Variants in KCNN2 observed in about 807,000 individuals in gnomAD.
KCNN2 encodes the protein small conductance calcium-activated potassium channel protein 2.
A neutral mutation model predicts 55.5 loss-of-function variants in KCNN2; 24 were observed. The ratio of observed to expected loss-of-function variants is 0.43; its 90% CI spans 0.31 to 0.61. The LOEUF is 0.61. KCNN2 is among the 20% of genes least tolerant of loss of function. KCNN2 has a pLI of 0.08. For missense variants in KCNN2, 754 were observed against 853.6 expected, an observed-to-expected ratio of 0.88 and a Z score of 1.45; for synonymous variants, 431 against 336.1, an observed-to-expected ratio of 1.28 and a Z score of -3.09.
intron 2 of KCNN2, among the ~76,000 whole-genome samples, chr5:114,364,497 C>G (rs1162301284): frequency 6.6e-6 from 1 of 152,020 alleles, no homozygotes; most frequent in Non-Finnish European, 1.5e-5. Context: ...TAACCCCTTC[C>G]TAAATCCCCC....
rs1760268400 is a variant in KCNN2, at chr5:114,442,874, G to GT, written c.1638-20174dup. Among the ~76,000 whole-genome samples the GT allele has an allele frequency of 3.9e-5, 6 of 152,264 alleles. No homozygotes were observed. In the South Asian group the frequency reaches 1.2e-3, roughly 32 times the overall value. On this transcript the variant is annotated intron_variant, in intron 3 of 7. Transcript: ENST00000673685. ...GGGCAGGGGGAAAAGAGGACACACAGTAGTTCTGTTTAAGAACATAGTGCA... is the reference window on the plus strand; with the variant it reads ...GGGCAGGGGGAAAAGAGGACACACAGTTAGTTCTGTTTAAGAACATAGTGCA...
chr5:114,149,873 A>T (rs141861027), intron 1 of KCNN2, among the ~76,000 whole-genome samples: 1 of 152,290 alleles, frequency 6.6e-6, no homozygotes, highest in East Asian at 1.9e-4. Context: ...CTTAACCCTA[A>T]AGAGGCCAAG....
intron 3 of KCNN2, among the ~76,000 whole-genome samples, chr5:114,457,878 C>T (rs1225169882): frequency 6.6e-6 from 1 of 152,150 alleles, no homozygotes; most frequent in African/African-American, 2.4e-5. Context: ...GAATCACTGT[C>T]CTTTGTTGCT....
At chr5:114,434,162 C>G (rs1332326677) in intron 3 of KCNN2, among the ~76,000 whole-genome samples, 1 of 147,536 alleles carries the variant, frequency 6.8e-6, no homozygotes, top group Non-Finnish European at 1.5e-5. Context: ...TCCTTTTTAG[C>G]ATATCAGTTA....
At chr5:114,343,691 T>TG (rs886501003) in intron 2 of KCNN2, among the ~76,000 whole-genome samples, 4 of 150,036 alleles carry the variant, frequency 2.7e-5, no homozygotes, top group African/African-American at 9.8e-5. Context: ...CAAAGATGCA[T>TG]GGTGTGGGGG....
intron 2 of KCNN2, among the ~76,000 whole-genome samples, chr5:114,354,143 ATCT>A (rs891984476): frequency 2.0e-5 from 3 of 151,764 alleles, no homozygotes; most frequent in Admixed American, 6.6e-5. Flanking sequence ...AGATTGCATA[ATCT>A]TCATCAGTGT....
intron 4 of KCNN2, among the ~76,000 whole-genome samples, chr5:114,471,387 A>AAAGAAT (rs1468829774): frequency 1.3e-5 from 2 of 152,230 alleles, no homozygotes; most frequent in African/African-American, 4.8e-5. Context: ...GTTATTGTTT[A>AAAGAAT]AAGAATAATT....
At chr5:114,209,639 T>C (rs1053745826) in intron 1 of KCNN2, among the ~76,000 whole-genome samples, 6 of 152,134 alleles carry the variant, frequency 3.9e-5, no homozygotes, top group Admixed American at 3.3e-4. Flanking sequence ...TTATAAAAAG[T>C]CTTGACATCA....
intron 2 of KCNN2, among the ~76,000 whole-genome samples, chr5:114,305,125 A>G (rs1188810157): frequency 6.6e-6 from 1 of 152,226 alleles, no homozygotes; most frequent in Non-Finnish European, 1.5e-5. Flanking sequence ...ACTCTAGAGG[A>G]TAGCCTAACG....
chr5:114,084,594 A>G (rs1750972840), intron 1 of KCNN2, among the ~76,000 whole-genome samples: 1 of 151,894 alleles, frequency 6.6e-6, no homozygotes, highest in African/African-American at 2.4e-5. Flanking sequence ...ATATTTGTAA[A>G]TATTTTTCCC....
At chr5:114,427,883 A>C (rs1266542339) in intron 3 of KCNN2, among the ~76,000 whole-genome samples, 2 of 152,196 alleles carry the variant, frequency 1.3e-5, no homozygotes, top group South Asian at 4.1e-4. Context: ...TTATACATAA[A>C]TTGGTACTAT....
intron 1 of KCNN2, among the ~76,000 whole-genome samples, chr5:114,111,928 C>G (rs150100457): frequency 0.017 from 2,513 of 152,198 alleles, 54 homozygotes; most frequent in African/African-American, 0.057. Flanking sequence ...GGTGATTCCT[C>G]AAGGATCTAG....
At chr5:114,133,772 T>C (rs1313195887) in intron 1 of KCNN2, among the ~76,000 whole-genome samples, 1 of 152,232 alleles carries the variant, frequency 6.6e-6, no homozygotes, top group Non-Finnish European at 1.5e-5. Flanking sequence ...ACACTAATAC[T>C]ACATTCTTCA....
At chr5:114,341,554 T>C (rs537931903) in intron 2 of KCNN2, among the ~76,000 whole-genome samples, 62 of 152,242 alleles carry the variant, frequency 4.1e-4, no homozygotes, top group African/African-American at 1.5e-3. Flanking sequence ...TAATTTATGT[T>C]GATGTCTGCT....
chr5:114,355,195 A>G (rs1757275302), intron 2 of KCNN2, among the ~76,000 whole-genome samples: 1 of 152,188 alleles, frequency 6.6e-6, no homozygotes, highest in African/African-American at 2.4e-5. Flanking sequence ...GACGAAGAGT[A>G]GTAGATTTTC....
intron 2 of KCNN2, among the ~76,000 whole-genome samples, chr5:114,262,791 A>G (rs1233951083): frequency 6.6e-6 from 1 of 152,162 alleles, no homozygotes; most frequent in Non-Finnish European, 1.5e-5. Context: ...TTCTCCCTGC[A>G]ACTTAACTAT....
intron 1 of KCNN2, among the ~76,000 whole-genome samples, chr5:114,160,840 T>G (rs1392544178): frequency 2.6e-5 from 4 of 152,184 alleles, no homozygotes; most frequent in Non-Finnish European, 5.9e-5. Flanking sequence ...TGCCTTTTTT[T>G]GTTTTCCATT....
chr5:114,145,313 C>A (rs1180218544), intron 1 of KCNN2, among the ~76,000 whole-genome samples: 1 of 152,200 alleles, frequency 6.6e-6, no homozygotes, highest in African/African-American at 2.4e-5. Context: ...AATTAAATAA[C>A]ACAGTTCCTT....
At chr5:114,386,032 A>T (rs568326875) in intron 2 of KCNN2, among the ~76,000 whole-genome samples, 1 of 151,962 alleles carries the variant, frequency 6.6e-6, no homozygotes, top group South Asian at 2.1e-4. Flanking sequence ...AATACAAAAA[A>T]TTAGCCGGGC....
Sources: allele counts gnomAD v4.1 joint callset (sites outside exome capture counted in the v4.1 genomes callset), GRCh38; gene constraint gnomAD v4.1.1; transcripts MANE v1.5; gene names NCBI Gene and HGNC (gene_info 2026-07-23, HGNC 2026-07-21).